The following N4BP2L2 variants were observed in gnomAD, a reference collection of about 807,000 sequenced individuals.
The protein encoded by N4BP2L2 is NEDD4 binding protein 2 like 2.
Under a neutral mutation model 56.2 loss-of-function variants are expected in N4BP2L2, and 50 were observed. That is an observed-to-expected ratio of 0.89 (90% CI 0.71 to 1.13). The LOEUF is 1.13. Ranked by LOEUF, N4BP2L2 falls within the 50% of genes most tolerant of loss-of-function variation. N4BP2L2 has a pLI of 0.00. For missense variants in N4BP2L2, 689 were observed against 693.8 expected, an observed-to-expected ratio of 0.99 and a Z score of 0.08; for synonymous variants, 203 against 223.6, an observed-to-expected ratio of 0.91 and a Z score of 0.82.
intron 6 of N4BP2L2, among the ~76,000 whole-genome samples, chr13:32,491,635 ATT>A (rs3075001): frequency 0.33 from 44,162 of 131,844 alleles, 7,148 homozygotes; most frequent in East Asian, 0.4. Context: ...ATATATATAT[ATT>A]TTTTTTTTTT....
intron 6 of N4BP2L2, among the ~76,000 whole-genome samples, chr13:32,461,366 A>T (rs1262088569): frequency 2.0e-5 from 3 of 152,194 alleles, no homozygotes; most frequent in Non-Finnish European, 4.4e-5. Flanking sequence ...AACTAATCTT[A>T]TGACAAGGGA....
intron 3 of N4BP2L2, chr13:32,524,896 T>TA (rs1349970740): frequency 2.0e-5 from 3 of 152,154 alleles, no homozygotes; most frequent in Non-Finnish European, 2.9e-5. Context: ...CCAAGTAGCT[T>TA]AGACTACAGG....
chr13:32,514,976 A>G (rs2048884582), exon 6 of N4BP2L2: 1 of 152,040 alleles, frequency 6.6e-6, no homozygotes. Context: ...TGTCTCTACT[A>G]AAAATACAAA....
At chr13:32,476,279 T>C (rs2083304199) in intron 6 of N4BP2L2, among the ~76,000 whole-genome samples, 1 of 152,096 alleles carries the variant, frequency 6.6e-6, no homozygotes, top group Non-Finnish European at 1.5e-5. Context: ...GTTAACAGGG[T>C]AAGGGAGCAG....
At chr13:32,488,385 CA>C (rs2086348575) in intron 6 of N4BP2L2, among the ~76,000 whole-genome samples, 1 of 152,044 alleles carries the variant, frequency 6.6e-6, no homozygotes, top group Non-Finnish European at 1.5e-5. Flanking sequence ...AATATGGAAA[CA>C]AGAGACACTG....
intron 3 of N4BP2L2, 76 bp downstream of exon 3, chr13:32,527,332 T>C: frequency 6.6e-7 from 1 of 1,515,744 alleles, no homozygotes; most frequent in Non-Finnish European, 9.0e-7. Flanking sequence ...GGTAAAAACC[T>C]AAGCTGAAAA....
exon 6 of N4BP2L2, chr13:32,512,513 G>A (rs1311559243): frequency 6.6e-6 from 1 of 152,126 alleles, no homozygotes; most frequent in Admixed American, 6.5e-5. Flanking sequence ...TACCACAACT[G>A]GAATGTAACA....
chr13:32,473,739 C>A (rs2082741134), intron 6 of N4BP2L2, among the ~76,000 whole-genome samples: 1 of 152,230 alleles, frequency 6.6e-6, no homozygotes, highest in South Asian at 2.1e-4. Flanking sequence ...GCAACACTGT[C>A]TCTCTCTGTG....
In N4BP2L2 at chr13:32,532,774, A is replaced by C. The variant is rs544556273; in HGVS notation, c.1259+2995T>G. 1.4e-4 allele frequency among the ~76,000 whole-genome samples: 21 copies of C among 151,538 alleles called. 1 individual carries two copies. The South Asian group carries it at 4.2e-3, about 30-fold the overall frequency. ...CCCAGCTCATTTTTGTATTTTTAGT[A>C]GAGATGGGGTTTCACAATGTTGGCC... On this transcript the variant is annotated intron_variant, in intron 2 of 5. Transcript: ENST00000267068.
intron 4 of N4BP2L2, 103 bp downstream of exon 4, chr13:32,522,079 A>G: frequency 1.4e-6 from 1 of 739,624 alleles, no homozygotes; most frequent in Non-Finnish European, 2.3e-6. Flanking sequence ...TAGAAAACAA[A>G]GGACAAATGT....
intron 3 of N4BP2L2, among the ~76,000 whole-genome samples, chr13:32,526,615 C>T (rs1339475954): frequency 1.3e-5 from 2 of 152,058 alleles, no homozygotes; most frequent in East Asian, 3.9e-4. Context: ...ATAATAAAAG[C>T]TATTTGTTTA....
At chr13:32,444,617 A>G (rs548197117) in intron 6 of N4BP2L2, among the ~76,000 whole-genome samples, 8 of 152,330 alleles carry the variant, frequency 5.3e-5, no homozygotes, top group African/African-American at 1.7e-4. Flanking sequence ...TTTTAATCCT[A>G]TACATTAAAA....
At chr13:32,475,054 G>C (rs1399084837) in intron 6 of N4BP2L2, among the ~76,000 whole-genome samples, 1 of 152,108 alleles carries the variant, frequency 6.6e-6, no homozygotes, top group Non-Finnish European at 1.5e-5. Context: ...AAATTATACT[G>C]TCACCATGCA....
At chr13:32,506,367 G>C (rs559914126), downstream of N4BP2L2, 4 of 152,166 alleles carry the variant, frequency 2.6e-5, no homozygotes, top group Non-Finnish European at 5.9e-5. Context: ...AATCTTCAGT[G>C]TATCAGTTGG....
intron 6 of N4BP2L2, among the ~76,000 whole-genome samples, chr13:32,487,057 T>C (rs986617273): frequency 2.0e-5 from 3 of 152,062 alleles, no homozygotes; most frequent in African/African-American, 7.2e-5. Context: ...CCAGGCACAG[T>C]GGCCCGCACC....
chr13:32,507,289 G>A (rs2091110390), downstream of N4BP2L2: 1 of 152,114 alleles, frequency 6.6e-6, no homozygotes, highest in Non-Finnish European at 1.5e-5. Flanking sequence ...GGAAATGTCA[G>A]GTAGACAGTT....
At chr13:32,442,625 G>C (rs2076547581) in exon 7 of N4BP2L2, 1 of 1,613,752 alleles carries the variant, frequency 6.2e-7, no homozygotes, top group Non-Finnish European at 8.5e-7. Flanking sequence ...AAAATTTCTG[G>C]AGAAATAAAC....
chr13:32,499,900 C>T (rs370630658), intron 6 of N4BP2L2, among the ~76,000 whole-genome samples: 111 of 152,326 alleles, frequency 7.3e-4, no homozygotes, highest in African/African-American at 2.6e-3. Context: ...TATCCCAACA[C>T]CATTCATGGC....
At chr13:32,497,630 A>C (rs116000621) in intron 6 of N4BP2L2, among the ~76,000 whole-genome samples, 1 of 152,202 alleles carries the variant, frequency 6.6e-6, no homozygotes, top group Non-Finnish European at 1.5e-5. Context: ...AGTGCCTCCC[A>C]AAGAGCAGAG....
Sources: gnomAD v4.1 joint callset for allele counts (sites outside exome capture counted in the v4.1 genomes callset) on GRCh38, gnomAD v4.1.1 for gene constraint, MANE v1.5 for transcripts, NCBI Gene and HGNC (gene_info 2026-07-23, HGNC 2026-07-21) for gene names.